Variants in CPAMD8 observed in about 807,000 individuals in gnomAD.
The protein encoded by CPAMD8 is C3 and PZP-like alpha-2-macroglobulin domain-containing protein 8.
A neutral mutation model predicts 224.7 loss-of-function variants in CPAMD8; 146 were observed. The observed-to-expected ratio is 0.65, with a 90% CI of 0.57 to 0.75. The LOEUF (loss-of-function observed/expected upper bound fraction) is 0.75. Among genes scored for constraint, CPAMD8 ranks in the 30% least tolerant of loss-of-function variants. CPAMD8 has a pLI of 0.00. For synonymous variants in CPAMD8, 966 were observed against 1,044.6 expected, an observed-to-expected ratio of 0.92 and a Z score of 1.45; for missense variants, 2,301 against 2,537.5, an observed-to-expected ratio of 0.91 and a Z score of 2.00.
At chr19:16,904,588 C>G (rs532219841) in intron 30 of CPAMD8, 36 bp from the exon 31 acceptor site, 1 of 1,421,740 alleles carries the variant, frequency 7.0e-7, no homozygotes, top group African/African-American at 1.4e-5. Context: ...CTATAACCCA[C>G]CCAGTGTGTA....
intron 24 of CPAMD8, among the ~76,000 whole-genome samples, chr19:16,928,539 C>T (rs987574958): frequency 6.6e-6 from 1 of 152,184 alleles, no homozygotes; most frequent in Non-Finnish European, 1.5e-5. Context: ...GCCTAGCGAA[C>T]TCCTATTCAT....
chr19:16,980,199 G>A (rs894365098), intron 14 of CPAMD8, among the ~76,000 whole-genome samples: 1 of 152,188 alleles, frequency 6.6e-6, no homozygotes, highest in African/African-American at 2.4e-5. Context: ...AGAACCGCCT[G>A]GGCAAAGAGG....
chr19:17,025,098 G>A (rs937195503), intron 1 of CPAMD8, among the ~76,000 whole-genome samples: 6 of 152,146 alleles, frequency 3.9e-5, no homozygotes, highest in African/African-American at 7.2e-5. Context: ...AGAGGAAAAC[G>A]CCCTGGAGAA....
chr19:16,992,443 T>A (rs541143260), intron 12 of CPAMD8, among the ~76,000 whole-genome samples: 9 of 151,764 alleles, frequency 5.9e-5, no homozygotes, highest in African/African-American at 2.2e-4. Context: ...ATTTATTATT[T>A]ATTTATTTGC....
At chr19:16,958,033 A>C in intron 18 of CPAMD8, 118 bp from the exon 19 acceptor site, 1 of 896,532 alleles carries the variant, frequency 1.1e-6, no homozygotes, top group Non-Finnish European at 1.8e-6. Context: ...TTTACCTGGA[A>C]GGGTTAACAT....
chr19:17,001,358 C>G (rs1480254050), intron 9 of CPAMD8, among the ~76,000 whole-genome samples: 1 of 136,964 alleles, frequency 7.3e-6, no homozygotes, highest in African/African-American at 2.8e-5. Context: ...GGATCAACCC[C>G]TCTCGGGTCA....
At chr19:16,931,969 G>A (rs184700069) in intron 23 of CPAMD8, among the ~76,000 whole-genome samples, 225 of 152,242 alleles carry the variant, frequency 1.5e-3, no homozygotes, top group African/African-American at 4.8e-3. Flanking sequence ...CAAAAGATTG[G>A]AAGAAGCGAC....
At chr19:16,995,444 C>T (rs1265537850) in intron 11 of CPAMD8, among the ~76,000 whole-genome samples, 2 of 152,206 alleles carry the variant, frequency 1.3e-5, no homozygotes, top group Non-Finnish European at 2.9e-5. Context: ...CTCTGTCTCC[C>T]AGGCTGGAGT....
chr19:16,898,803 A>G lies in CPAMD8; in HGVS notation c.4848+672T>C, dbSNP rs1276585671. On this transcript the variant is annotated intron_variant, in intron 37 of 41. Transcript: ENST00000443236. The surrounding 1 kb of genome is among the most constrained non-coding windows in gnomAD (Gnocchi z 4.2). ...GCTTCGCTCCTTCCTACAGATGGAT[A>G]ATATCCACTGCGGCCCCTCCCTGCT... is the stretch of plus-strand genomic sequence containing the variant. Among the ~76,000 whole-genome samples the G allele has an allele frequency of 6.6e-6, 1 of 152,130 alleles. No individual in the cohort carries two copies. The highest frequency in any genetic ancestry group is 2.4e-5 in the African/African-American group (1 of 41,436).
intron 7 of CPAMD8, 39 bp from the exon 8 acceptor site, chr19:17,004,425 C>G: frequency 7.4e-7 from 1 of 1,352,408 alleles, no homozygotes; most frequent in Non-Finnish European, 1.1e-6. Flanking sequence ...TTCAGAGAGC[C>G]ACAGACACGG....
At chr19:17,023,396 T>G (rs2057007246) in intron 1 of CPAMD8, among the ~76,000 whole-genome samples, 1 of 152,052 alleles carries the variant, frequency 6.6e-6, no homozygotes. Flanking sequence ...AAAGGCCCTG[T>G]AACCTCATGA....
intron 35 of CPAMD8, 113 bp from the exon 36 acceptor site, chr19:16,901,410 GGGGCCT>G (rs2052253009): frequency 5.3e-6 from 4 of 755,284 alleles, no homozygotes; most frequent in Non-Finnish European, 9.1e-6. Context: ...AGCCTGCCCT[GGGGCCT>G]GGCCGGCAGG....
In CPAMD8 at chr19:16,928,158, A is replaced by C. The variant is rs1295366845; in HGVS notation, c.3221T>G (p.Phe1074Cys). Residue 1074 changes from phenylalanine to cysteine, a missense_variant, in exon 25 of 42, where the codon TTC (phenylalanine) becomes TGC (cysteine). Physicochemically the swap from Phe to Cys is radical, Grantham distance 205. Coordinates refer to ENST00000443236, the MANE Select transcript of CPAMD8 (RefSeq NM_015692.5). ...GCCCCAGCCGGTGGAAAAGCCAATG[A>C]ACTGGACCTCTGGTGGCCTCGGGAG... Reference protein sequence around the residue: ...WTLPRPPEVQFIGFSTGWGSM... With the variant: ...WTLPRPPEVQCIGFSTGWGSM... 6.2e-6 allele frequency: 10 copies of C among 1,614,046 alleles called. No individual in the cohort carries two copies. The highest frequency in any genetic ancestry group is 8.5e-6 in the Non-Finnish European group (10 of 1,180,058).
At chr19:16,980,836 T>C (rs1289254062) in intron 13 of CPAMD8, 150 bp from the exon 14 acceptor site, 1 of 522,958 alleles carries the variant, frequency 1.9e-6, no homozygotes, top group Non-Finnish European at 3.2e-6. Flanking sequence ...GCTTTTTTGT[T>C]TTTTGTTTTC....
intron 3 of CPAMD8, among the ~76,000 whole-genome samples, chr19:17,017,189 T>G (rs2056835101): frequency 6.6e-6 from 1 of 152,200 alleles, no homozygotes; most frequent in African/African-American, 2.4e-5. Flanking sequence ...GCATGCTCTT[T>G]ATGACAATCT....
intron 30 of CPAMD8, among the ~76,000 whole-genome samples, chr19:16,905,569 G>GAAAAAAAAAAAAAAA (rs397955787): frequency 3.2e-5 from 3 of 92,696 alleles, no homozygotes; most frequent in Non-Finnish European, 4.3e-5. Flanking sequence ...AGGAAGAAAA[G>GAAAAAAAAAAAAAAA]AAAAAAAAAA....
At position 17,022,034 on chromosome 19, in the gene CPAMD8, G is replaced by T. The variant is rs751777236; in HGVS notation, c.240C>A (p.Ile80=). 6.2e-7 allele frequency: 1 copy of T among 1,602,312 alleles called. No homozygotes were observed. The highest frequency in any genetic ancestry group is 1.7e-5 in the Admixed American group (1 of 58,880). Residue 80 remains isoleucine, a synonymous_variant, in exon 2 of 42, where the codon ATC becomes ATA. Coordinates refer to ENST00000443236, the MANE Select transcript of CPAMD8 (RefSeq NM_015692.5). Reference sequence around the variant, plus strand: ...TCTGGCACCCAAGGGACCTACCCAGGATGGCTCCCTGGCTCTGCACCACCG... The same window carrying T: ...TCTGGCACCCAAGGGACCTACCCAGTATGGCTCCCTGGCTCTGCACCACCG... ...GEPVVQSQGA[I]LDKGTIKLKV...
intron 41 of CPAMD8, chr19:16,894,674 G>A: frequency 5.8e-6 from 2 of 342,578 alleles, no homozygotes; most frequent in South Asian, 4.3e-5. Flanking sequence ...TGTGCGGTAA[G>A]AGGGGAGTAG....
At chr19:16,954,210 G>A (rs999523980) in intron 19 of CPAMD8, among the ~76,000 whole-genome samples, 1 of 152,050 alleles carries the variant, frequency 6.6e-6, no homozygotes, top group African/African-American at 2.4e-5. Context: ...GTGCGTGTCT[G>A]TAGTTCCAGC....
Sources: gnomAD v4.1 joint callset for allele counts (sites outside exome capture counted in the v4.1 genomes callset) on GRCh38, gnomAD v4.1.1 for gene constraint, Gnocchi (gnomAD v3.1) non-coding constraint, MANE v1.5 for transcripts, NCBI Gene and HGNC (gene_info 2026-07-23, HGNC 2026-07-21) for gene names.